The following HOOK1 variants were observed in gnomAD, a reference collection of about 807,000 sequenced individuals.
HOOK1 encodes hook microtubule tethering protein 1.
In HOOK1, 60 loss-of-function variants were observed where a neutral mutation model predicts 112.8. The ratio of observed to expected loss-of-function variants is 0.53; its 90% CI spans 0.43 to 0.66. HOOK1 has a LOEUF of 0.66. Ranked by LOEUF, HOOK1 falls within the 30% of genes least tolerant of loss-of-function variation. The pLI is 0.00. For missense variants in HOOK1, 770 were observed against 856.0 expected (o/e 0.90, Z 1.25); for synonymous variants, 294 against 283.8 (o/e 1.04, Z -0.36).
intron 2 of HOOK1, among the ~76,000 whole-genome samples, chr1:59,824,874 C>A (rs1486911214): frequency 6.6e-6 from 1 of 152,182 alleles, no homozygotes; most frequent in Non-Finnish European, 1.5e-5. Flanking sequence ...GTGTTAGTTT[C>A]CTAGGGCCAC....
intron 3 of HOOK1, among the ~76,000 whole-genome samples, chr1:59,831,898 C>T (rs2098394242): frequency 2.6e-5 from 4 of 152,298 alleles, no homozygotes; most frequent in South Asian, 4.1e-4. Context: ...CTCATGACTG[C>T]AGCTGGACAT....
intron 20 of HOOK1, chr1:59,870,837 G>A (rs1644044459): frequency 2.2e-6 from 1 of 452,944 alleles, no homozygotes; most frequent in African/African-American, 2.0e-5. Flanking sequence ...TTGAAATAAA[G>A]GTTTATTAGT....
chr1:59,873,470 C>A lies in HOOK1; in HGVS notation c.*505C>A, dbSNP rs1351090409. ...TATATACAAGGCTTTACTTCTGTCC[C>A]CTAATTCTTCCATTGAATGTGTACC... On this transcript the variant is annotated 3_prime_UTR_variant, in exon 22 of 22. Transcript: ENST00000371208. 2 of 151,658 alleles carry A rather than the reference C, an allele frequency of 1.3e-5. No individual in the cohort carries two copies. The highest frequency in any genetic ancestry group is 4.8e-5 in the African/African-American group (2 of 41,292). The allele number at this position is 151,658 out of a possible 1,614,324, so 9.4% of individuals were successfully genotyped here.
At chr1:59,826,048 G>A (rs2098389663) in intron 2 of HOOK1, among the ~76,000 whole-genome samples, 1 of 152,146 alleles carries the variant, frequency 6.6e-6, no homozygotes. Flanking sequence ...GGTATACATT[G>A]AAGTGACACA....
chr1:59,850,828 G>A (rs560565925), intron 12 of HOOK1, among the ~76,000 whole-genome samples: 3 of 151,592 alleles, frequency 2.0e-5, no homozygotes, highest in South Asian at 4.2e-4. Context: ...ATGCAAGATA[G>A]TAATAATAGG....
At chr1:59,872,125 G>A (rs1326645791) in intron 21 of HOOK1, among the ~76,000 whole-genome samples, 2 of 152,078 alleles carry the variant, frequency 1.3e-5, no homozygotes, top group Non-Finnish European at 2.9e-5. Flanking sequence ...TCCATGTACT[G>A]TACTAGTTAC....
chr1:59,844,469 A>G (rs563729173), intron 9 of HOOK1, among the ~76,000 whole-genome samples: 1 of 151,986 alleles, frequency 6.6e-6, no homozygotes, highest in African/African-American at 2.4e-5. Flanking sequence ...TTGTGCCTGT[A>G]TGACACTATA....
chr1:59,860,944 T>C (rs761467856), intron 15 of HOOK1, among the ~76,000 whole-genome samples: 2 of 151,932 alleles, frequency 1.3e-5, no homozygotes, highest in Admixed American at 6.6e-5. Context: ...TGGCTAATTT[T>C]TTTTTGTATT....
At chr1:59,827,750 A>G (rs888645120) in intron 2 of HOOK1, among the ~76,000 whole-genome samples, 2 of 151,974 alleles carry the variant, frequency 1.3e-5, no homozygotes, top group Non-Finnish European at 2.9e-5. Context: ...TTTGGTTATC[A>G]TAGCCAGAAG....
chr1:59,816,163 G>T (rs528863161), intron 1 of HOOK1, among the ~76,000 whole-genome samples: 4 of 152,284 alleles, frequency 2.6e-5, no homozygotes, highest in Non-Finnish European at 1.5e-5. Flanking sequence ...GGCTGTAATC[G>T]GTTGAGATTC....
rs966707314 is a variant in HOOK1, at chr1:59,875,595, C to T, written c.*2630C>T. The stretch of plus-strand genomic sequence containing the variant: ...GTACATATACCAATGAAGAGATATT[C>T]AGCATTTGTCTATTTGATAAGGAAT... On this transcript the variant is annotated 3_prime_UTR_variant, in exon 22 of 22. Coordinates refer to ENST00000371208, the MANE Select transcript of HOOK1 (RefSeq NM_015888.6). The T allele has an allele frequency of 5.2e-5, 8 of 152,392 alleles. No individual in the cohort carries two copies. Among genetic ancestry groups the T allele is most frequent in the Non-Finnish European group, 8.8e-5 (6 of 68,006 alleles). 9.4% of individuals were successfully genotyped at this position (152,392 alleles called of 1,614,324 possible). A position where few individuals can be genotyped will look rare whatever the true frequency, so the allele number is the denominator to read the frequency against.
At chr1:59,826,551 G>T (rs1024206664) in intron 2 of HOOK1, among the ~76,000 whole-genome samples, 9 of 152,078 alleles carry the variant, frequency 5.9e-5, no homozygotes, top group Admixed American at 4.6e-4. Context: ...TAAGACAAAA[G>T]GAATTATCTT....
intron 2 of HOOK1, among the ~76,000 whole-genome samples, chr1:59,825,817 G>A (rs2098389449): frequency 6.6e-6 from 1 of 152,166 alleles, no homozygotes; most frequent in South Asian, 2.1e-4. Context: ...ATAAAGTATA[G>A]ATAGATGTCC....
rs146384473 is a variant in HOOK1 at position 59,860,261 on chromosome 1, A to G, written c.1465A>G (p.Ile489Val). Residue 489 changes from isoleucine to valine, a missense_variant, in exon 15 of 22, where the codon ATT becomes GTT. By Grantham distance (29) the Ile-to-Val change is conservative. Transcript: ENST00000371208. ...GCAAGAAGGCTCTGAGAATGAACGT[A>G]TTGAGGAACTTCAGGAGCAGCTAGA... ...LQQEGSENER[I>V]EELQEQLEQK... is the part of the protein sequence containing the mutation. 2.8e-5 allele frequency: 45 copies of G among 1,611,142 alleles called. No individual in the cohort carries two copies. The highest frequency in any genetic ancestry group is 9.3e-5 in the African/African-American group (7 of 74,868).
chr1:59,865,717 A>C (rs1364794972), intron 18 of HOOK1, among the ~76,000 whole-genome samples, 155 bp from the exon 19 acceptor site: 1 of 152,134 alleles, frequency 6.6e-6, no homozygotes, highest in Non-Finnish European at 1.5e-5. Flanking sequence ...CTTTTAGATA[A>C]GAATTCACTA....
At chr1:59,840,457 A>G in intron 8 of HOOK1, 66 bp downstream of exon 8, 1 of 1,000,682 alleles carries the variant, frequency 1.0e-6, no homozygotes. Flanking sequence ...TTTTATTGTA[A>G]TTAATTAGTT....
intron 15 of HOOK1, 65 bp downstream of exon 15, chr1:59,860,393 C>A: frequency 7.4e-7 from 1 of 1,357,014 alleles, no homozygotes; most frequent in African/African-American, 1.5e-5. Context: ...AATCTTGATT[C>A]ACAGAAATGG....
chr1:59,868,587 A>G (rs1380237297), intron 20 of HOOK1, among the ~76,000 whole-genome samples: 1 of 152,240 alleles, frequency 6.6e-6, no homozygotes, highest in Non-Finnish European at 1.5e-5. Flanking sequence ...TGTCAATAAC[A>G]GGCATTATAT....
chr1:59,870,413 A>G (rs529005434), intron 20 of HOOK1, among the ~76,000 whole-genome samples: 2 of 152,318 alleles, frequency 1.3e-5, no homozygotes, highest in South Asian at 4.1e-4. Flanking sequence ...TGTGAGTCTG[A>G]AGAAGGGCAT....
Sources: allele counts gnomAD v4.1 joint callset (sites outside exome capture counted in the v4.1 genomes callset), GRCh38; gene constraint gnomAD v4.1.1; transcripts MANE v1.5; gene names NCBI Gene and HGNC (gene_info 2026-07-23, HGNC 2026-07-21).